The following CFHR3 variants were observed in gnomAD, a reference collection of about 807,000 sequenced individuals.
CFHR3 encodes complement factor H-related protein 3.
CFHR3 carries 22 observed loss-of-function variants against 36.0 expected under a neutral mutation model. The observed-to-expected ratio is 0.61, with a 90% confidence interval of 0.44 to 0.87. The LOEUF is 0.87. Ranked by LOEUF, CFHR3 falls within the 40% of genes least tolerant of loss-of-function variation. The pLI is 0.00. For missense variants in CFHR3, 276 were observed against 401.3 expected (o/e 0.69, Z 2.67); for synonymous variants, 97 against 137.4 (o/e 0.71, Z 2.06).
chr1:196,791,396 T>C lies in CFHR3; in HGVS notation c.796+1169T>C, dbSNP rs1573127160. The stretch of plus-strand genomic sequence containing the variant: ...CACAAGTTTCTACTAGCCTATGAGG[T>C]AGAGCCCTGGGACACCCATCAGTCC... On this transcript the variant is annotated intron_variant, in intron 5 of 5. Transcript: ENST00000367425. Among the ~76,000 whole-genome samples, 2 of 135,082 alleles carry C rather than the reference T, an allele frequency of 1.5e-5. 1 individual carries two copies. Among genetic ancestry groups the C allele is most frequent in the East Asian group, 3.9e-4 (2 of 5,098 alleles). The allele number at this position is 135,082 out of a possible 152,430, so 88.6% of individuals were successfully genotyped here. A position where few individuals can be genotyped will look rare whatever the true frequency, so the allele number is the denominator to read the frequency against.
At position 196,791,680 on chromosome 1, in the gene CFHR3, C is replaced by A. The variant is rs1654433504; in HGVS notation, c.796+1453C>A. 1.5e-5 allele frequency among the ~76,000 whole-genome samples: 2 copies of A among 132,022 alleles called. 1 individual carries two copies. Among genetic ancestry groups the A allele is most frequent in the African/African-American group, 6.7e-5 (2 of 29,932 alleles). The allele number at this position is 132,022 out of a possible 152,430, so 86.6% of individuals were successfully genotyped here. On this transcript the variant is annotated intron_variant, in intron 5 of 5. Transcript: ENST00000367425. ...ATCCACTTCTGTAGATGATCATGTC[C>A]AAGTTTGAGCTCCAAACTATGCAAG...
In CFHR3 at chr1:196,781,371, C is replaced by A. The variant is rs1175816074; in HGVS notation, c.430+1398C>A. Among the ~76,000 whole-genome samples, 67 of 135,584 alleles carry A rather than the reference C, an allele frequency of 4.9e-4. 13 individuals carry two copies. The highest frequency in any genetic ancestry group is 2.0e-3 in the African/African-American group (65 of 32,090). 88.9% of individuals were successfully genotyped at this position (135,584 alleles called of 152,430 possible). A position where few individuals can be genotyped will look rare whatever the true frequency, so the allele number is the denominator to read the frequency against. ...TTCTAGTTCTAGATCCCTGAGGAAT[C>A]ACCACACTGTCTTCCACAATGGTTG... is the stretch of plus-strand genomic sequence containing the variant. On this transcript the variant is annotated intron_variant, in intron 3 of 5. Transcript: ENST00000367425.
rs555195944 is a variant in CFHR3, at chr1:196,784,514, T to C, written c.431-3702T>C. Among the ~76,000 whole-genome samples the C allele has an allele frequency of 2.2e-5, 3 of 136,692 alleles. No individual in the cohort carries two copies. The East Asian group carries it at 5.9e-4, about 27-fold the overall frequency. The allele number at this position is 136,692 out of a possible 152,430, so 89.7% of individuals were successfully genotyped here. ...GTATTGGGTGCATATATATCTAGGA[T>C]AGTTAGCTCTTCTTGTTGAATTGAT... On this transcript the variant is annotated intron_variant, in intron 3 of 5. Transcript: ENST00000367425.
chr1:196,793,445 A>C lies in CFHR3; in HGVS notation c.925A>C (p.Asn309His). ...TATGTGTAAATTGGGATATAATGCA[A>C]ATACATCAATTCTATCATTTCAAGC... is the stretch of plus-strand genomic sequence containing the variant. ...EFMCKLGYNA[N>H]TSILSFQAVC... Residue 309 changes from asparagine to histidine, a missense_variant, in exon 6 of 6, where the codon AAT becomes CAT. Coordinates refer to ENST00000367425, the MANE Select transcript of CFHR3 (RefSeq NM_021023.6). 2 of 1,527,540 alleles carry C rather than the reference A, an allele frequency of 1.3e-6. No individual in the cohort carries two copies. The highest frequency in any genetic ancestry group is 1.8e-6 in the Non-Finnish European group (2 of 1,129,624). 94.6% of individuals were successfully genotyped at this position (1,527,540 alleles called of 1,614,324 possible). A position where few individuals can be genotyped will look rare whatever the true frequency, so the allele number is the denominator to read the frequency against.
At chr1:196,780,688 C>T (rs1469899908) in intron 3 of CFHR3, among the ~76,000 whole-genome samples, 1 of 136,502 alleles carries the variant, frequency 7.3e-6, no homozygotes, top group Non-Finnish European at 1.6e-5. Context: ...CAAATGCATT[C>T]TCTTTGTGGC....
intron 4 of CFHR3, chr1:196,789,446 T>C (rs1654337434): frequency 3.2e-6 from 3 of 945,232 alleles, no homozygotes; most frequent in Non-Finnish European, 3.8e-6. Context: ...TATACTTCAA[T>C]TTTACTCAGC....
chr1:196,792,095 A>G (rs1654447779), intron 5 of CFHR3, among the ~76,000 whole-genome samples: 1 of 129,554 alleles, frequency 7.7e-6, no homozygotes, highest in South Asian at 2.7e-4. Flanking sequence ...GAAACTTTAG[A>G]AAGTTTTGGA....
rs958515517 is a variant in CFHR3, at chr1:196,784,409, A to G, written c.431-3807A>G. 3.7e-5 allele frequency among the ~76,000 whole-genome samples: 5 copies of G among 135,472 alleles called. 1 individual carries two copies. Among genetic ancestry groups the G allele is most frequent in the Non-Finnish European group, 7.8e-5 (5 of 64,266 alleles). The allele number at this position is 135,472 out of a possible 152,430, so 88.9% of individuals were successfully genotyped here. The stretch of plus-strand genomic sequence containing the variant: ...TCTAATGTTGACAGTGGTGTGTTAA[A>G]GTCTCCCATTATTATTGTGTGGGAG... On this transcript the variant is annotated intron_variant, in intron 3 of 5. Transcript: ENST00000367425.
At position 196,782,118 on chromosome 1, in the gene CFHR3, T is replaced by C. The variant is rs1470638815; in HGVS notation, c.430+2145T>C. On this transcript the variant is annotated intron_variant, in intron 3 of 5. Transcript: ENST00000367425. ...GTCAAAGATCAGATAGTTGTAGATATGCAGCGTTATTTCTGAGGGCTCTGT... is the reference window on the plus strand; with the variant it reads ...GTCAAAGATCAGATAGTTGTAGATACGCAGCGTTATTTCTGAGGGCTCTGT... Among the ~76,000 whole-genome samples, 10 of 137,020 alleles carry C rather than the reference T, an allele frequency of 7.3e-5. 2 individuals carry two copies. Among genetic ancestry groups the C allele is most frequent in the African/African-American group, 1.5e-4 (5 of 32,674 alleles). The allele number at this position is 137,020 out of a possible 152,430, so 89.9% of individuals were successfully genotyped here.
chr1:196,789,600 G>A lies in CFHR3; in HGVS notation c.614-445G>A, dbSNP rs1317555216. On this transcript the variant is annotated intron_variant, in intron 4 of 5. Transcript: ENST00000367425. ...TAAATCGTTACATAACTACATAAAT[G>A]GTTACATTAACTTTTAAATTCACAA... 3 of 1,316,270 alleles carry A rather than the reference G, an allele frequency of 2.3e-6. No individual in the cohort carries two copies. The African/African-American group carries it at 5.8e-5, about 25-fold the overall frequency. 81.5% of individuals were successfully genotyped at this position (1,316,270 alleles called of 1,614,324 possible).
At chr1:196,780,677 G>T in intron 3 of CFHR3, among the ~76,000 whole-genome samples, 1 of 136,328 alleles carries the variant, frequency 7.3e-6, no homozygotes, top group African/African-American at 3.1e-5. Flanking sequence ...TATATGTAAT[G>T]CAAATGCATT....
intron 1 of CFHR3, among the ~76,000 whole-genome samples, chr1:196,777,982 T>TAAAAAA (rs202127437): frequency 5.6e-5 from 5 of 89,850 alleles, no homozygotes; most frequent in Admixed American, 1.1e-4. Flanking sequence ...ACAAGACTGT[T>TAAAAAA]AAAAAAAAAA....
rs1285308149 is a variant in CFHR3 at position 196,787,952 on chromosome 1, A to G, written c.431-264A>G. ...GGACTGGAGAGTCTCCTAGATCTGC[A>G]CTCCTCAAGGACTGCCAGAGCTCTG... On this transcript the variant is annotated intron_variant, in intron 3 of 5. Transcript: ENST00000367425. Among the ~76,000 whole-genome samples, 9 of 136,450 alleles carry G rather than the reference A, an allele frequency of 6.6e-5. 2 individuals carry two copies. Among genetic ancestry groups the G allele is most frequent in the African/African-American group, 2.8e-4 (9 of 32,512 alleles). The allele number at this position is 136,450 out of a possible 152,430, so 89.5% of individuals were successfully genotyped here. A position where few individuals can be genotyped will look rare whatever the true frequency, so the allele number is the denominator to read the frequency against.
Position 196,783,387 on chromosome 1 carries a change from G to C in CFHR3, c.430+3414G>C, listed in dbSNP as rs1297312136. On this transcript the variant is annotated intron_variant, in intron 3 of 5. Transcript: ENST00000367425. ...AGTTTCAGAAGGAATGGTACCAGTTGCTCCTTGTACCTCTGGTAGAATTCG... is the reference window on the plus strand; with the variant it reads ...AGTTTCAGAAGGAATGGTACCAGTTCCTCCTTGTACCTCTGGTAGAATTCG... Among the ~76,000 whole-genome samples, 17 of 132,554 alleles carry C rather than the reference G, an allele frequency of 1.3e-4. 2 individuals are homozygous for C. Among genetic ancestry groups the C allele is most frequent in the African/African-American group, 3.6e-4 (11 of 30,626 alleles). 87.0% of individuals were successfully genotyped at this position (132,554 alleles called of 152,430 possible).
chr1:196,785,414 C>T (rs1199225028), intron 3 of CFHR3, among the ~76,000 whole-genome samples: 3 of 134,416 alleles, frequency 2.2e-5, no homozygotes, highest in African/African-American at 3.2e-5. Context: ...AACTTGGTTC[C>T]ATTCTCCCCG....
At chr1:196,777,716 G>A (rs11806293) in intron 1 of CFHR3, among the ~76,000 whole-genome samples, 26,617 of 135,104 alleles carry the variant, frequency 0.2, 6,423 homozygotes, top group East Asian at 0.51. Flanking sequence ...GGTCGAGCCG[G>A]GGGGCTCCTG....
intron 3 of CFHR3, among the ~76,000 whole-genome samples, chr1:196,786,414 C>T (rs1216972592): frequency 1.5e-5 from 2 of 135,842 alleles, no homozygotes; most frequent in Non-Finnish European, 1.6e-5. Context: ...GAGGTGGAGC[C>T]TACAGAGGCA....
At chr1:196,777,755 GGC>G (rs1170563342) in intron 1 of CFHR3, among the ~76,000 whole-genome samples, 1 of 135,090 alleles carries the variant, frequency 7.4e-6, no homozygotes, top group Admixed American at 7.2e-5. Flanking sequence ...CGGGGGCCAA[GGC>G]GCGCGGATCA....
At chr1:196,786,967 T>C (rs1160336069) in intron 3 of CFHR3, among the ~76,000 whole-genome samples, 2 of 137,702 alleles carry the variant, frequency 1.5e-5, no homozygotes, top group Non-Finnish European at 1.5e-5. Context: ...ATGATATCTA[T>C]TTTTTAGTTA....
Sources: gnomAD v4.1 joint callset for allele counts (sites outside exome capture counted in the v4.1 genomes callset) on GRCh38, gnomAD v4.1.1 for gene constraint, MANE v1.5 for transcripts, NCBI Gene and HGNC (gene_info 2026-07-23, HGNC 2026-07-21) for gene names.